The following SEMA3D variants were observed in gnomAD, a reference collection of about 807,000 sequenced individuals.
SEMA3D encodes semaphorin 3D.
In SEMA3D, 84 loss-of-function variants were observed where a neutral mutation model predicts 100.1. The ratio of observed to expected loss-of-function variants is 0.84; its 90% confidence interval spans 0.70 to 1.01. SEMA3D has a LOEUF of 1.01. Ranked by LOEUF, SEMA3D falls within the 50% of genes least tolerant of loss-of-function variation. The pLI is 0.00. For synonymous variants in SEMA3D, 312 were observed against 320.7 expected, an observed-to-expected ratio of 0.97 and a Z score of 0.29; for missense variants, 875 against 934.1, an observed-to-expected ratio of 0.94 and a Z score of 0.82.
chr7:85,102,167 C>T (rs936980489), intron 3 of SEMA3D, among the ~76,000 whole-genome samples: 4 of 151,856 alleles, frequency 2.6e-5, no homozygotes, highest in African/African-American at 9.7e-5. Flanking sequence ...TTATACATCA[C>T]CTTCTAAAAG....
intron 5 of SEMA3D, 28 bp from the exon 6 acceptor site, chr7:85,073,109 A>C (rs1562806111): frequency 6.2e-7 from 1 of 1,607,400 alleles, no homozygotes; most frequent in Admixed American, 1.7e-5. Context: ...TAAAAGCATT[A>C]ACACACAATT....
chr7:85,004,794 A>G (rs1262298335), intron 18 of SEMA3D, among the ~76,000 whole-genome samples: 1 of 152,068 alleles, frequency 6.6e-6, no homozygotes, highest in Non-Finnish European at 1.5e-5. Flanking sequence ...AGTATTGCAT[A>G]CCCTGGACAA....
At chr7:85,192,789 AT>A in the SEMA3D span, among the ~76,000 whole-genome samples, 1 of 152,178 alleles carries the variant, frequency 6.6e-6, no homozygotes, top group African/African-American at 2.4e-5. Flanking sequence ...CCATTAACAA[AT>A]TGTATTCTTT....
At chr7:85,220,454 C>A in the SEMA3D span, among the ~76,000 whole-genome samples, 1 of 151,472 alleles carries the variant, frequency 6.6e-6, no homozygotes, top group Non-Finnish European at 1.5e-5. Flanking sequence ...TCTCCCATTT[C>A]AATTCACAAC....
intron 2 of SEMA3D, among the ~76,000 whole-genome samples, chr7:85,130,495 G>T (rs984967361): frequency 9.9e-5 from 15 of 152,138 alleles, no homozygotes; most frequent in Non-Finnish European, 2.2e-4. Flanking sequence ...GTTTGCACAT[G>T]CTCATTGTTG....
At chr7:85,196,589 T>G in the SEMA3D span, among the ~76,000 whole-genome samples, 1 of 152,090 alleles carries the variant, frequency 6.6e-6, no homozygotes, top group African/African-American at 2.4e-5. Context: ...GCAGAATATG[T>G]AAAGGATTTA....
At chr7:85,021,055 C>T (rs1790241689) in intron 13 of SEMA3D, among the ~76,000 whole-genome samples, 1 of 151,350 alleles carries the variant, frequency 6.6e-6, no homozygotes, top group South Asian at 2.1e-4. Flanking sequence ...AAAAAAAATC[C>T]CACTTTAATT....
Position 85,014,919 on chromosome 7 carries a change from C to T in SEMA3D, c.1703+140G>A, listed in dbSNP as rs950272685. On this transcript the variant is annotated intron_variant, in intron 16 of 18. Coordinates refer to ENST00000284136, the MANE Select transcript of SEMA3D (RefSeq NM_001384900.1). The stretch of plus-strand genomic sequence containing the variant: ...AGTTTTATGTAAAAATATAAAACAA[C>T]ATTTTGATTTTAATATTCCTTCCAT... 16 of 560,866 alleles carry T rather than the reference C, an allele frequency of 2.9e-5. No individual in the cohort carries two copies. In the South Asian group the frequency reaches 7.6e-4, roughly 27 times the overall value. 34.7% of individuals were successfully genotyped at this position (560,866 alleles called of 1,614,324 possible).
At chr7:85,010,834 G>A (rs1003216409) in intron 17 of SEMA3D, among the ~76,000 whole-genome samples, 5 of 151,476 alleles carry the variant, frequency 3.3e-5, no homozygotes, top group African/African-American at 9.7e-5. Context: ...GAATTTGGGA[G>A]TGAAATAGCC....
upstream of SEMA3D, among the ~76,000 whole-genome samples, chr7:85,187,232 A>G (rs955374709): frequency 3.9e-5 from 6 of 152,134 alleles, no homozygotes; most frequent in South Asian, 2.1e-4. Flanking sequence ...CCAAGCGCTG[A>G]CGGATGTTTA....
chr7:85,248,173 C>T, the SEMA3D span, among the ~76,000 whole-genome samples: 2 of 152,132 alleles, frequency 1.3e-5, no homozygotes, highest in Non-Finnish European at 2.9e-5. Context: ...AAGAACTGAA[C>T]AGACACCTCC....
intron 11 of SEMA3D, among the ~76,000 whole-genome samples, chr7:85,039,262 T>C (rs925288395): frequency 4.6e-5 from 7 of 152,202 alleles, no homozygotes; most frequent in Admixed American, 2.6e-4. Flanking sequence ...CAGATGCTAG[T>C]ACAACTTGTT....
chr7:85,141,241 G>T, intron 2 of SEMA3D: 3 of 984,334 alleles, frequency 3.0e-6, no homozygotes, highest in Non-Finnish European at 3.6e-6. Context: ...ACATTAACTT[G>T]TTGAAGAGGG....
At chr7:85,153,328 G>T (rs191647813) in intron 2 of SEMA3D, among the ~76,000 whole-genome samples, 187 of 152,284 alleles carry the variant, frequency 1.2e-3, no homozygotes, top group Middle Eastern at 6.8e-3. Flanking sequence ...GAGTCATTAA[G>T]ATGATACAGC....
chr7:85,034,507 T>C (rs1790636011), intron 12 of SEMA3D, among the ~76,000 whole-genome samples: 1 of 151,988 alleles, frequency 6.6e-6, no homozygotes, highest in Non-Finnish European at 1.5e-5. Context: ...CTCTGGAGGC[T>C]AAGGCAGGAG....
chr7:85,081,830 A>G (rs1308636743), intron 4 of SEMA3D, among the ~76,000 whole-genome samples: 1 of 152,206 alleles, frequency 6.6e-6, no homozygotes, highest in Non-Finnish European at 1.5e-5. Flanking sequence ...CAGTAGATAC[A>G]TTATGTTCAG....
chr7:85,118,697 A>G lies in SEMA3D; in HGVS notation c.151+3044T>C, dbSNP rs537171466. 1.3e-4 allele frequency among the ~76,000 whole-genome samples: 20 copies of G among 152,196 alleles called. No homozygotes were observed. In the South Asian group the frequency reaches 4.1e-3, roughly 32 times the overall value. On this transcript the variant is annotated intron_variant, in intron 3 of 18. Coordinates refer to ENST00000284136, the MANE Select transcript of SEMA3D (RefSeq NM_001384900.1). Reference sequence around the variant, plus strand: ...TTTGTCAGGTGCATAGTTTGCAACAATTTTCTCTGATTCTGTAGGTTGTCT... The same window carrying G: ...TTTGTCAGGTGCATAGTTTGCAACAGTTTTCTCTGATTCTGTAGGTTGTCT...
At chr7:85,114,896 A>G (rs936734151) in intron 3 of SEMA3D, among the ~76,000 whole-genome samples, 2 of 152,204 alleles carry the variant, frequency 1.3e-5, no homozygotes, top group African/African-American at 2.4e-5. Context: ...ATGATAATTT[A>G]TATATTTGAT....
chr7:85,026,208 C>G (rs773799285), intron 12 of SEMA3D, among the ~76,000 whole-genome samples: 35 of 152,014 alleles, frequency 2.3e-4, no homozygotes, highest in Non-Finnish European at 4.4e-4. Context: ...CTGCTTCTCC[C>G]TTCTAGAACC....
Sources: allele counts gnomAD v4.1 joint callset (sites outside exome capture counted in the v4.1 genomes callset), GRCh38; gene constraint gnomAD v4.1.1; transcripts MANE v1.5; gene names NCBI Gene and HGNC (gene_info 2026-07-23, HGNC 2026-07-21).